Variants in PLEC observed in about 807,000 individuals in gnomAD.
The protein encoded by PLEC is hemidesmosomal protein 1.
A neutral mutation model predicts 392.8 loss-of-function variants in PLEC; 216 were observed. That is an observed-to-expected ratio of 0.55 (90% CI 0.49 to 0.62). The LOEUF (loss-of-function observed/expected upper bound fraction) is 0.62, where lower values mean the gene tolerates loss of function less well. PLEC is among the 20% of genes least tolerant of loss of function. The pLI, the probability that PLEC is intolerant of heterozygous loss-of-function variation, is 0.00. For missense variants in PLEC, 6,863 were observed against 6,563.4 expected (o/e 1.05, Z -1.58); for synonymous variants, 3,621 against 2,980.6 (o/e 1.21, Z -7.00).
chr8:143,945,853 G>A (rs1213019002), intron 1 of PLEC, among the ~76,000 whole-genome samples: 2 of 152,240 alleles, frequency 1.3e-5, no homozygotes, highest in African/African-American at 2.4e-5. Flanking sequence ...CCTCAAAAAC[G>A]TGCGGCCGAG....
Position 143,917,812 on chromosome 8 carries a change from C to G in PLEC, c.12009G>C (p.Lys4003Asn). ...TGACGGCGCGCTCGGCCGACAGCAG[C>G]TTGTCCTTGAACTCGGGGCCCACAA... ...MGIVGPEFKDKLLSAERAVTG... is the reference protein window; with the variant it reads ...MGIVGPEFKDNLLSAERAVTG... Residue 4003 changes from lysine to asparagine, a missense_variant, in exon 32 of 32, where the codon AAG becomes AAC. Lys to Asn is a moderately conservative substitution (Grantham distance 94). Transcript: ENST00000345136. 1 of 1,613,562 alleles carries G rather than the reference C, an allele frequency of 6.2e-7. No homozygotes were observed. The highest frequency in any genetic ancestry group is 8.5e-7 in the Non-Finnish European group (1 of 1,180,018).
Position 143,929,638 on chromosome 8 carries a change from T to G in PLEC, c.2923+8A>C. 6.2e-7 allele frequency: 1 copy of G among 1,606,664 alleles called. No homozygotes were observed. The highest frequency in any genetic ancestry group is 8.5e-7 in the Non-Finnish European group (1 of 1,179,766). On this transcript the variant is annotated splice_region_variant and intron_variant, in intron 23 of 31. Transcript: ENST00000345136. Reference sequence around the variant, plus strand: ...CAGCCCAACCGCCCCAGCCCTGCCGTGCCCTACCCTGTTCCAGGCTCTGCA... The same window carrying G: ...CAGCCCAACCGCCCCAGCCCTGCCGGGCCCTACCCTGTTCCAGGCTCTGCA...
At chr8:143,961,684 G>A (rs1457715520) in intron 1 of PLEC, among the ~76,000 whole-genome samples, 1 of 152,212 alleles carries the variant, frequency 6.6e-6, no homozygotes, top group Non-Finnish European at 1.5e-5. Flanking sequence ...ACAGGGGAAT[G>A]CTGTATTGTA....
chr8:143,957,249 C>A (rs1554739507), upstream of PLEC, among the ~76,000 whole-genome samples: 1 of 152,208 alleles, frequency 6.6e-6, no homozygotes, highest in African/African-American at 2.4e-5. Flanking sequence ...GCCCCGGCCA[C>A]TGCCCAGGAG....
At chr8:143,952,591 G>A (rs532590858), upstream of PLEC, among the ~76,000 whole-genome samples, 1 of 151,932 alleles carries the variant, frequency 6.6e-6, no homozygotes, top group Non-Finnish European at 1.5e-5. Context: ...CTCCCGGCAG[G>A]CCGACCGCAT....
chr8:143,923,931 C>T lies in PLEC; in HGVS notation c.5998G>A (p.Ala2000Thr), dbSNP rs782555928. 1 of 1,594,588 alleles carries T rather than the reference C, an allele frequency of 6.3e-7. No homozygotes were observed. The highest frequency in any genetic ancestry group is 8.5e-7 in the Non-Finnish European group (1 of 1,177,930). Residue 2000 changes from alanine to threonine, a missense_variant, in exon 31 of 32, where the codon GCC (alanine) becomes ACC (threonine). Ala to Thr is a moderately conservative substitution (Grantham distance 58). Transcript: ENST00000345136. ...VQKSLAAEEE[A>T]ARQRKAALEE... The stretch of plus-strand genomic sequence containing the variant: ...AGCGCCGCCTTCCGCTGCCGTGCGG[C>T]CTCCTCCTCGGCCGCCAGGCTCTTC...
intron 1 of PLEC, among the ~76,000 whole-genome samples, chr8:143,946,847 C>G (rs1831550596): frequency 6.6e-6 from 1 of 151,270 alleles, no homozygotes; most frequent in Non-Finnish European, 1.5e-5. Flanking sequence ...CCACCACACC[C>G]CACTCCTTGA....
Position 143,932,875 on chromosome 8 carries a change from T to A in PLEC, c.1655A>T (p.Glu552Val). ...GCCTCGGTGGCTGCCCAGCTGCGCC[T>A]CCACGCTGGGCAGGTCCACACCCCA... ...AEWGVDLPSV[E>V]AQLGSHRGLH... is the part of the protein sequence containing the mutation. Residue 552 changes from glutamate to valine, a missense_variant, in exon 14 of 32, where the codon GAG (glutamate) becomes GTG (valine). By Grantham distance (121) the Glu-to-Val change is moderately radical. Coordinates refer to ENST00000345136, the MANE Select transcript of PLEC (RefSeq NM_201384.3). 1.2e-6 allele frequency: 2 copies of A among 1,610,826 alleles called. No homozygotes were observed. Among genetic ancestry groups the A allele is most frequent in the Non-Finnish European group, 1.7e-6 (2 of 1,179,298 alleles).
chr8:143,919,107 T>C lies in PLEC; in HGVS notation c.10714A>G (p.Ile3572Val), dbSNP rs782794238. Residue 3572 changes from isoleucine (I) to valine (V), a missense_variant, in exon 32 of 32, where the codon ATC (isoleucine) becomes GTC (valine). Coordinates refer to ENST00000345136, the MANE Select transcript of PLEC (RefSeq NM_201384.3). Reference sequence around the variant, plus strand: ...TGGCTGCCGCCGCCGGGAATGTCGATCTGTGTCTCTTCAAATGCCCTTCTT... The same window carrying C: ...TGGCTGCCGCCGCCGGGAATGTCGACCTGTGTCTCTTCAAATGCCCTTCTT... ...ETRRAFEETQ[I>V]DIPGGGSHGG... 6.2e-7 allele frequency: 1 copy of C among 1,612,712 alleles called. No individual in the cohort carries two copies. The highest frequency in any genetic ancestry group is 1.1e-5 in the South Asian group (1 of 91,088).
rs782799731 is a variant in PLEC at position 143,924,860 on chromosome 8, G to A, written c.5069C>T (p.Ala1690Val). Reference protein sequence around the residue: ...EEQAVRQRELAEQELEKQRQL... With the variant: ...EEQAVRQRELVEQELEKQRQL... Reference sequence around the variant, plus strand: ...CCGCTGCTTCTCCAGCTCTTGTTCAGCCAGCTCCCGCTGCCGGACGGCCTG... The same window carrying A: ...CCGCTGCTTCTCCAGCTCTTGTTCAACCAGCTCCCGCTGCCGGACGGCCTG... Residue 1690 changes from alanine to valine, a missense_variant, in exon 31 of 32, where the codon GCT becomes GTT. Physicochemically the swap from Ala to Val is moderately conservative, Grantham distance 64 (BLOSUM62 0). Coordinates refer to ENST00000345136, the MANE Select transcript of PLEC (RefSeq NM_201384.3). 2 of 1,587,114 alleles carry A rather than the reference G, an allele frequency of 1.3e-6. No individual in the cohort carries two copies. The highest frequency in any genetic ancestry group is 1.7e-5 in the Admixed American group (1 of 59,200).
At chr8:143,944,750 C>G in intron 1 of PLEC, 1 of 1,262,994 alleles carries the variant, frequency 7.9e-7, no homozygotes, top group Non-Finnish European at 1.0e-6. Flanking sequence ...GCACAAGCCA[C>G]TGGCGGCAGC....
Position 143,927,257 on chromosome 8 carries a change from T to C in PLEC, c.3835A>G (p.Ile1279Val), listed in dbSNP as rs1554706893. ...TGCAGGCGGCTGGGCCTCACCTTGA[T>C]GGCGTTGATGTACTGTTTCGCAAAC... Reference protein sequence around the residue: ...QRFAKQYINAIKDYELQLVTY... With the variant: ...QRFAKQYINAVKDYELQLVTY... The change falls in exon 28 of 32, where the codon ATC becomes GTC. Residue 1279 changes from isoleucine (I) to valine (V), a missense_variant. Coordinates refer to ENST00000345136, the MANE Select transcript of PLEC (RefSeq NM_201384.3). 6.8e-6 allele frequency: 11 copies of C among 1,613,170 alleles called. No homozygotes were observed. The highest frequency in any genetic ancestry group is 9.3e-6 in the Non-Finnish European group (11 of 1,179,856).
At chr8:143,940,901 A>G (rs944044927), upstream of PLEC, among the ~76,000 whole-genome samples, 22 of 152,172 alleles carry the variant, frequency 1.4e-4, no homozygotes, top group Admixed American at 4.6e-4. Flanking sequence ...GTCTCCATGC[A>G]TGGTCTCTGA....
rs782787011 is a variant in PLEC at position 143,926,744 on chromosome 8, G to A, written c.4044+40C>T. On this transcript the variant is annotated intron_variant, in intron 30 of 31. Coordinates refer to ENST00000345136, the MANE Select transcript of PLEC (RefSeq NM_201384.3). ...GTGTGTGGGACACAACAGGTGGTGA[G>A]ATGGAACCCTCTGCCCAGCCTCCGC... 7 of 1,518,664 alleles carry A rather than the reference G, an allele frequency of 4.6e-6. 1 individual carries two copies. The Admixed American group carries it at 5.0e-5, about 11-fold the overall frequency. The allele number at this position is 1,518,664 out of a possible 1,614,324, so 94.1% of individuals were successfully genotyped here. A position where few individuals can be genotyped will look rare whatever the true frequency, so the allele number is the denominator to read the frequency against.
upstream of PLEC, chr8:143,975,119 G>A: frequency 6.4e-7 from 1 of 1,555,698 alleles, no homozygotes; most frequent in Non-Finnish European, 8.8e-7. The surrounding 1 kb of genome is among the most constrained non-coding windows in gnomAD (Gnocchi z 9.9). Context: ...GCACGCAGCG[G>A]GAACTCAGTC....
Position 143,919,775 on chromosome 8 carries a change from G to A in PLEC, c.10046C>T (p.Thr3349Met), listed in dbSNP as rs34725742. The change falls in exon 32 of 32, where the codon ACG (threonine) becomes ATG (methionine). Residue 3349 changes from threonine (T) to methionine (M), a missense_variant. Physicochemically the swap from Thr to Met is moderately conservative, Grantham distance 81. Coordinates refer to ENST00000345136, the MANE Select transcript of PLEC (RefSeq NM_201384.3). ...KDLSELGSVR[T>M]LLQGSGCLAG... Reference sequence around the variant, plus strand: ...GAGGCAGCCACTGCCCTGCAGCAGCGTCCGCACGGAGCCCAGCTCCGAAAG... The same window carrying A: ...GAGGCAGCCACTGCCCTGCAGCAGCATCCGCACGGAGCCCAGCTCCGAAAG... The A allele has an allele frequency of 4.1e-3, 6,651 of 1,612,132 alleles. 230 individuals are homozygous for A. In the African/African-American group the frequency reaches 0.077, roughly 19 times the overall value.
At chr8:143,942,539 T>C, upstream of PLEC, 2 of 1,548,794 alleles carry the variant, frequency 1.3e-6, no homozygotes, top group Non-Finnish European at 1.7e-6. Flanking sequence ...GGAGCCCTGG[T>C]TCGGCCCACG....
rs964841034 is a variant in PLEC, at chr8:143,923,427, C to T, written c.6502G>A (p.Glu2168Lys). Residue 2168 changes from glutamate (E) to lysine (K), a missense_variant, in exon 31 of 32, where the codon GAG (glutamate) becomes AAG (lysine). Coordinates refer to ENST00000345136, the MANE Select transcript of PLEC (RefSeq NM_201384.3). ...RQKQAADAEM[E>K]KHKKFAEQTL... Reference sequence around the variant, plus strand: ...TGCTCGGCGAATTTCTTATGCTTCTCCATCTCCGCGTCAGCTGCCTGCTTC... The same window carrying T: ...TGCTCGGCGAATTTCTTATGCTTCTTCATCTCCGCGTCAGCTGCCTGCTTC... The T allele has an allele frequency of 3.1e-6, 5 of 1,610,152 alleles. No homozygotes were observed. The highest frequency in any genetic ancestry group is 2.7e-5 in the African/African-American group (2 of 74,904).
chr8:143,925,829 G>A lies in PLEC; in HGVS notation c.4100C>T (p.Ala1367Val). 6.4e-7 allele frequency: 1 copy of A among 1,558,658 alleles called. No individual in the cohort carries two copies. Among genetic ancestry groups the A allele is most frequent in the Non-Finnish European group, 8.6e-7 (1 of 1,159,744 alleles). Residue 1367 changes from alanine to valine, a missense_variant, in exon 31 of 32, where the codon GCC (alanine) becomes GTC (valine). Transcript: ENST00000345136. ...EERERLAEVE[A>V]ALEKQRQLAE... ...CAGCTGCCGCTGCTTCTCCAGCGCG[G>A]CCTCCACCTCGGCCAGCCGCTCGCG...
Sources: gnomAD v4.1 joint callset for allele counts (sites outside exome capture counted in the v4.1 genomes callset) on GRCh38, gnomAD v4.1.1 for gene constraint, Gnocchi (gnomAD v3.1) non-coding constraint, MANE v1.5 for transcripts, NCBI Gene and HGNC (gene_info 2026-07-23, HGNC 2026-07-21) for gene names.